The following MYO6 variants were observed in gnomAD, a reference collection of about 807,000 sequenced individuals.
MYO6 encodes the protein myosin VI.
Under a neutral mutation model 178.7 loss-of-function variants are expected in MYO6, and 74 were observed. The observed-to-expected ratio is 0.41, with a 90% CI of 0.34 to 0.50. The LOEUF is 0.50. MYO6 is among the 20% of genes least tolerant of loss of function. MYO6 has a pLI of 0.09. For missense variants in MYO6, 1,330 were observed against 1,547.4 expected, an observed-to-expected ratio of 0.86 and a Z score of 2.36; for synonymous variants, 477 against 504.6, an observed-to-expected ratio of 0.95 and a Z score of 0.73.
chr6:75,854,044 A>T (rs1365855522), intron 11 of MYO6, among the ~76,000 whole-genome samples: 1 of 152,170 alleles, frequency 6.6e-6, no homozygotes, highest in East Asian at 1.9e-4. Flanking sequence ...CTGAGACTAA[A>T]GCACTTTCTT....
intron 1 of MYO6, among the ~76,000 whole-genome samples, chr6:75,759,217 A>C (rs1412038401): frequency 2.0e-5 from 3 of 152,068 alleles, no homozygotes; most frequent in Non-Finnish European, 4.4e-5. Context: ...ACTTTCAAAA[A>C]CTTAGATTTC....
At chr6:75,826,693 A>G (rs1196124610) in intron 3 of MYO6, among the ~76,000 whole-genome samples, 2 of 152,088 alleles carry the variant, frequency 1.3e-5, no homozygotes, top group African/African-American at 2.4e-5. Flanking sequence ...CTGCTGCCTA[A>G]CCCTCTCTAT....
intron 28 of MYO6, among the ~76,000 whole-genome samples, 169 bp downstream of exon 28, chr6:75,892,859 G>A (rs1377234336): frequency 6.6e-6 from 1 of 152,104 alleles, no homozygotes; most frequent in Admixed American, 6.5e-5. Context: ...ATACTCAAGT[G>A]AATGAGATAA....
intron 20 of MYO6, among the ~76,000 whole-genome samples, chr6:75,874,111 T>C (rs1445642433): frequency 6.6e-6 from 1 of 152,214 alleles, no homozygotes; most frequent in East Asian, 1.9e-4. Flanking sequence ...CTAAGATTAC[T>C]TAAGCTTCAG....
chr6:75,837,672 CT>C (rs111575945), intron 7 of MYO6, among the ~76,000 whole-genome samples: 2 of 152,268 alleles, frequency 1.3e-5, no homozygotes, highest in African/African-American at 4.8e-5. Context: ...AAATACAACT[CT>C]AATAAACATT....
At position 75,805,002 on chromosome 6, in the gene MYO6, C is replaced by CATAT. The variant is rs749031242; in HGVS notation, c.-47-12482_-47-12479dup. 3.0e-3 allele frequency among the ~76,000 whole-genome samples: 192 copies of CATAT among 63,936 alleles called. 6 individuals carry two copies. Among genetic ancestry groups the CATAT allele is most frequent in the Middle Eastern group, 0.017 (2 of 116 alleles). 41.9% of individuals were successfully genotyped at this position (63,936 alleles called of 152,430 possible). On this transcript the variant is annotated intron_variant, in intron 1 of 34. Coordinates refer to ENST00000369977, the MANE Select transcript of MYO6 (RefSeq NM_004999.4). ...ACACACATATATATATACACACACACATATATATATATATATATATTTTTT... is the reference window on the plus strand; with the variant it reads ...ACACACATATATATATACACACACACATATATATATATATATATATATATTTTTT...
chr6:75,872,595 C>T (rs1346118395), intron 19 of MYO6, among the ~76,000 whole-genome samples: 3 of 152,118 alleles, frequency 2.0e-5, no homozygotes, highest in Non-Finnish European at 4.4e-5. Context: ...ACATGTACAT[C>T]AGCCTGCAAA....
chr6:75,916,448 CAAGTT>C lies in MYO6; in HGVS notation c.*1439_*1443del, dbSNP rs1400192470. 6.6e-6 allele frequency: 1 copy of C among 152,516 alleles called. No homozygotes were observed. The highest frequency in any genetic ancestry group is 1.9e-4 in the East Asian group (1 of 5,190). 9.4% of individuals were successfully genotyped at this position (152,516 alleles called of 1,614,324 possible). A position where few individuals can be genotyped will look rare whatever the true frequency, so the allele number is the denominator to read the frequency against. The stretch of plus-strand genomic sequence containing the variant: ...TATTATGATACATTCAAATGATTGT[CAAGTT>C]AAATTAAATGGTTGTGTCTGTGCTA... On this transcript the variant is annotated 3_prime_UTR_variant, in exon 35 of 35. Coordinates refer to ENST00000369977, the MANE Select transcript of MYO6 (RefSeq NM_004999.4).
chr6:75,827,481 A>T (rs955021240), intron 3 of MYO6, among the ~76,000 whole-genome samples: 1 of 152,180 alleles, frequency 6.6e-6, no homozygotes, highest in South Asian at 2.1e-4. Flanking sequence ...ATGAATTTGG[A>T]TGTTGATAGA....
chr6:75,852,873 T>C (rs548496129), intron 11 of MYO6, among the ~76,000 whole-genome samples: 1 of 152,322 alleles, frequency 6.6e-6, no homozygotes, highest in South Asian at 2.1e-4. Context: ...GGAGTGGAAC[T>C]GCTGAATCAC....
In MYO6 at chr6:75,917,954, T is replaced by C. The variant is rs1781210047; in HGVS notation, c.*2942T>C. ...AATAAATATTTATTGAATCAATCAGTCAGCCAATTAATATGATGTTAGTGA... is the reference window on the plus strand; with the variant it reads ...AATAAATATTTATTGAATCAATCAGCCAGCCAATTAATATGATGTTAGTGA... On this transcript the variant is annotated 3_prime_UTR_variant, in exon 35 of 35. Coordinates refer to ENST00000369977, the MANE Select transcript of MYO6 (RefSeq NM_004999.4). 6.6e-6 allele frequency: 1 copy of C among 152,572 alleles called. No homozygotes were observed. The highest frequency in any genetic ancestry group is 2.1e-4 in the South Asian group (1 of 4,828). 9.5% of individuals were successfully genotyped at this position (152,572 alleles called of 1,614,324 possible).
chr6:75,809,049 G>C (rs576861754), intron 1 of MYO6, among the ~76,000 whole-genome samples: 5 of 152,224 alleles, frequency 3.3e-5, no homozygotes, highest in African/African-American at 9.7e-5. Flanking sequence ...TGAGATATGC[G>C]TTTGTCTCAC....
intron 1 of MYO6, among the ~76,000 whole-genome samples, chr6:75,755,985 A>G (rs917992122): frequency 1.3e-5 from 2 of 152,244 alleles, no homozygotes; most frequent in African/African-American, 4.8e-5. Context: ...TTTCTGACCT[A>G]TCTGTCGAAG....
intron 3 of MYO6, among the ~76,000 whole-genome samples, chr6:75,824,931 T>C (rs1772298590): frequency 6.6e-6 from 1 of 152,074 alleles, no homozygotes; most frequent in Non-Finnish European, 1.5e-5. Context: ...AGCTAATTTT[T>C]GTATTTTTAG....
chr6:75,757,359 C>CTG (rs372864392), intron 1 of MYO6, among the ~76,000 whole-genome samples: 21 of 145,968 alleles, frequency 1.4e-4, no homozygotes, highest in Admixed American at 2.7e-4. Context: ...CATCAGAAGT[C>CTG]TGTGTGTGTG....
At chr6:75,863,572 G>A (rs962008354) in intron 16 of MYO6, among the ~76,000 whole-genome samples, 2 of 151,618 alleles carry the variant, frequency 1.3e-5, no homozygotes, top group Non-Finnish European at 2.9e-5. Context: ...TGCAACCTCC[G>A]CATCTTGGTT....
chr6:75,894,902 A>G lies in MYO6; in HGVS notation c.3108-329A>G, dbSNP rs961492104. The G allele has an allele frequency of 2.8e-5, 30 of 1,072,308 alleles. No individual in the cohort carries two copies. The South Asian group carries it at 5.1e-4, about 18-fold the overall frequency. 66.4% of individuals were successfully genotyped at this position (1,072,308 alleles called of 1,614,324 possible). ...AATATAATTTCAATCAATTACACATATGATTCTTGATGCAAAGAGATGGTT... is the reference window on the plus strand; with the variant it reads ...AATATAATTTCAATCAATTACACATGTGATTCTTGATGCAAAGAGATGGTT... On this transcript the variant is annotated intron_variant, in intron 28 of 34. Transcript: ENST00000369977.
chr6:75,830,338 AT>A lies in MYO6; in HGVS notation c.262-72del, dbSNP rs1427835680. 4.3e-6 allele frequency: 6 copies of A among 1,406,488 alleles called. No individual in the cohort carries two copies. The African/African-American group carries it at 8.6e-5, about 20-fold the overall frequency. The allele number at this position is 1,406,488 out of a possible 1,614,324, so 87.1% of individuals were successfully genotyped here. ...AGATAATTGAAATTTTTTGTATTTT[AT>A]TTTTTCTATGAGCTTTGTTTATCTT... is the stretch of plus-strand genomic sequence containing the variant. On this transcript the variant is annotated intron_variant, in intron 4 of 34. Transcript: ENST00000369977.
intron 2 of MYO6, 128 bp downstream of exon 2, chr6:75,817,792 G>A: frequency 2.4e-6 from 2 of 826,140 alleles, no homozygotes; most frequent in Non-Finnish European, 4.0e-6. Context: ...AAGTGAGTCT[G>A]TTTTCTCCTG....
Sources: gnomAD v4.1 joint callset for allele counts (sites outside exome capture counted in the v4.1 genomes callset) on GRCh38, gnomAD v4.1.1 for gene constraint, MANE v1.5 for transcripts, NCBI Gene and HGNC (gene_info 2026-07-23, HGNC 2026-07-21) for gene names.